UBR1: variants seen among roughly 807,000 people sequenced by gnomAD.
The protein encoded by UBR1 is E3 ubiquitin-protein ligase UBR1.
Under a neutral mutation model 242.1 loss-of-function variants are expected in UBR1, and 102 were observed. The observed-to-expected ratio is 0.42, with a 90% confidence interval of 0.36 to 0.50. UBR1 has a LOEUF of 0.50. Among genes scored for constraint, UBR1 ranks in the 20% least tolerant of loss-of-function variants. The pLI, the probability that UBR1 is intolerant of heterozygous loss-of-function variation, is 0.01. For synonymous variants in UBR1, 675 were observed against 684.8 expected, an observed-to-expected ratio of 0.99 and a Z score of 0.22; for missense variants, 1,772 against 2,101.8, an observed-to-expected ratio of 0.84 and a Z score of 3.07.
chr15:43,090,128 T>C (rs1416866020), intron 1 of UBR1, among the ~76,000 whole-genome samples: 1 of 152,324 alleles, frequency 6.6e-6, no homozygotes, highest in Non-Finnish European at 1.5e-5. Flanking sequence ...ACATTTTTTA[T>C]AGTCTAAGAT....
Position 43,067,993 on chromosome 15 carries a change from G to A in UBR1, c.703C>T (p.His235Tyr). Residue 235 changes from histidine (H) to tyrosine (Y), a missense_variant, in exon 6 of 47, where the codon CAC (histidine) becomes TAC (tyrosine). By Grantham distance (83) the His-to-Tyr change is moderately conservative. Transcript: ENST00000290650. ...RYYCVLFNDEHHSYDHVIYSL... is the reference protein window; with the variant it reads ...RYYCVLFNDEYHSYDHVIYSL... ...TATATGACGTGGTCATATGAATGGT[G>A]TTCATCATTGAAAAGGACACAATAG... 1 of 1,600,468 alleles carries A rather than the reference G, an allele frequency of 6.2e-7. No individual in the cohort carries two copies. Among genetic ancestry groups the A allele is most frequent in the East Asian group, 2.3e-5 (1 of 43,856 alleles).
Position 42,970,519 on chromosome 15 carries a change from C to A in UBR1, c.4457+1G>T. The A allele has an allele frequency of 6.2e-7, 1 of 1,612,626 alleles. No homozygotes were observed. Among genetic ancestry groups the A allele is most frequent in the Non-Finnish European group, 8.5e-7 (1 of 1,179,404 alleles). On this transcript the variant is annotated splice_donor_variant, in intron 40 of 46. Transcript: ENST00000290650. LOFTEE classifies it high-confidence loss of function. ...GACTGAACTAATGGATTGTTACTCA[C>A]CCACTTGTATATTGAGAAATTTCTG...
intron 18 of UBR1, 124 bp from the exon 19 acceptor site, chr15:43,036,403 G>C: frequency 1.7e-6 from 2 of 1,183,372 alleles, no homozygotes; most frequent in South Asian, 2.5e-5. Flanking sequence ...CTATTTCTAT[G>C]AGTCATAATC....
intron 1 of UBR1, among the ~76,000 whole-genome samples, chr15:43,103,533 G>A (rs2034263385): frequency 6.6e-6 from 1 of 152,168 alleles, no homozygotes; most frequent in African/African-American, 2.4e-5. Flanking sequence ...CAGACCTACA[G>A]TATCAGTTCC....
At chr15:43,064,542 A>G (rs1281803274) in intron 6 of UBR1, among the ~76,000 whole-genome samples, 1 of 150,844 alleles carries the variant, frequency 6.6e-6, no homozygotes. Context: ...AGGATGGCCA[A>G]TTTCACTTGT....
chr15:42,997,117 G>A (rs961550926), intron 33 of UBR1, among the ~76,000 whole-genome samples: 2 of 152,106 alleles, frequency 1.3e-5, no homozygotes, highest in Non-Finnish European at 2.9e-5. Flanking sequence ...TTGCATTGTC[G>A]CGTGAGCTCC....
intron 14 of UBR1, among the ~76,000 whole-genome samples, chr15:43,044,610 C>T (rs1468073778): frequency 2.0e-5 from 3 of 152,052 alleles, no homozygotes; most frequent in Admixed American, 6.6e-5. Context: ...AATTCAGTAG[C>T]GGCTGGGCGC....
intron 18 of UBR1, 107 bp downstream of exon 18, chr15:43,036,421 C>T: frequency 8.4e-7 from 1 of 1,186,484 alleles, no homozygotes; most frequent in Non-Finnish European, 1.3e-6. Flanking sequence ...ATCAGTTTAA[C>T]AGTGAGAGTA....
intron 21 of UBR1, among the ~76,000 whole-genome samples, chr15:43,029,140 T>C (rs923403361): frequency 8.2e-5 from 12 of 146,918 alleles, no homozygotes; most frequent in African/African-American, 3.3e-4. Context: ...CACACACACA[T>C]CTCTATTCTA....
At chr15:42,986,796 A>G (rs2032467149) in intron 35 of UBR1, among the ~76,000 whole-genome samples, 1 of 152,190 alleles carries the variant, frequency 6.6e-6, no homozygotes, top group Non-Finnish European at 1.5e-5. Flanking sequence ...CCAGGCAGAC[A>G]GGTGGGAGGC....
At chr15:43,046,052 A>C (rs2141325259) in intron 14 of UBR1, among the ~76,000 whole-genome samples, 1 of 152,376 alleles carries the variant, frequency 6.6e-6, no homozygotes, top group South Asian at 2.1e-4. Flanking sequence ...TGATAAGGGC[A>C]GAAGCCAGAC....
intron 10 of UBR1, among the ~76,000 whole-genome samples, chr15:43,057,497 G>T (rs539154342): frequency 6.2e-4 from 95 of 152,296 alleles, no homozygotes; most frequent in African/African-American, 2.2e-3. Flanking sequence ...ATTCAAAGGA[G>T]TCCTTGATCT....
intron 12 of UBR1, among the ~76,000 whole-genome samples, chr15:43,048,812 C>T (rs2033517534): frequency 6.6e-6 from 1 of 152,128 alleles, no homozygotes; most frequent in South Asian, 2.1e-4. Context: ...GTACAGATTC[C>T]CTAGAACTGT....
chr15:42,978,319 A>G (rs2032321318), intron 37 of UBR1, among the ~76,000 whole-genome samples: 1 of 152,228 alleles, frequency 6.6e-6, no homozygotes, highest in Non-Finnish European at 1.5e-5. Flanking sequence ...TCTGTGATAC[A>G]TAATATGTGA....
At chr15:43,041,971 A>G (rs1396405822) in intron 15 of UBR1, among the ~76,000 whole-genome samples, 1 of 152,186 alleles carries the variant, frequency 6.6e-6, no homozygotes, top group East Asian at 1.9e-4. Flanking sequence ...CAAAACCACA[A>G]TGAGATATCA....
intron 39 of UBR1, 91 bp downstream of exon 39, chr15:42,976,626 A>G: frequency 1.4e-6 from 2 of 1,477,104 alleles, no homozygotes; most frequent in Non-Finnish European, 1.9e-6. Context: ...CAGAACCTAG[A>G]AATACATTAT....
At chr15:43,097,846 C>T (rs1227019550) in intron 1 of UBR1, among the ~76,000 whole-genome samples, 1 of 152,148 alleles carries the variant, frequency 6.6e-6, no homozygotes, top group Non-Finnish European at 1.5e-5. Context: ...AAACTTTTTC[C>T]ACATCATCAG....
rs555802291 is a variant in UBR1 at position 43,067,961 on chromosome 15, T to C, written c.735A>G (p.Leu245=). 1.9e-6 allele frequency: 3 copies of C among 1,613,812 alleles called. No individual in the cohort carries two copies. The highest frequency in any genetic ancestry group is 1.1e-5 in the South Asian group (1 of 91,064). Residue 245 remains leucine (L), a synonymous_variant, in exon 6 of 47, where the codon CTA becomes CTG. Coordinates refer to ENST00000290650, the MANE Select transcript of UBR1 (RefSeq NM_174916.3). ...CGAGCTCACAGTCAAGAGCTCTTTG[T>C]AGGCTGTATATGACGTGGTCATATG... The part of the protein sequence containing the change: ...HHSYDHVIYS[L]QRALDCELAE...
At chr15:43,099,104 A>C (rs1029985587) in intron 1 of UBR1, among the ~76,000 whole-genome samples, 1 of 152,318 alleles carries the variant, frequency 6.6e-6, no homozygotes, top group East Asian at 1.9e-4. Context: ...TGGGAGGCTG[A>C]GGCGGGTGGA....
Sources: allele counts gnomAD v4.1 joint callset (sites outside exome capture counted in the v4.1 genomes callset), GRCh38; gene constraint gnomAD v4.1.1; transcripts MANE v1.5; gene names NCBI Gene and HGNC (gene_info 2026-07-23, HGNC 2026-07-21).